The following IGSF11 variants were observed in gnomAD, a reference collection of about 807,000 sequenced individuals.
IGSF11 encodes the protein immunoglobulin superfamily member 11.
IGSF11 carries 22 observed loss-of-function variants against 41.0 expected under a neutral mutation model. The observed-to-expected ratio is 0.54, with a 90% CI of 0.38 to 0.77. The LOEUF (loss-of-function observed/expected upper bound fraction) is 0.77, where lower values mean the gene tolerates loss of function less well. Among genes scored for constraint, IGSF11 ranks in the 30% least tolerant of loss-of-function variants. The pLI, the probability that IGSF11 is intolerant of heterozygous loss-of-function variation, is 0.00. For synonymous variants in IGSF11, 219 were observed against 201.3 expected (o/e 1.09, Z -0.74); for missense variants, 444 against 530.8 (o/e 0.84, Z 1.61).
chr3:119,005,365 G>A (rs1178012188), intron 1 of IGSF11, among the ~76,000 whole-genome samples: 21 of 149,720 alleles, frequency 1.4e-4, no homozygotes, highest in East Asian at 7.9e-4. Context: ...GTCTCTGCAC[G>A]TGAGATGGGT....
chr3:118,956,428 A>C (rs1000554709), intron 1 of IGSF11, among the ~76,000 whole-genome samples: 7 of 152,186 alleles, frequency 4.6e-5, no homozygotes, highest in African/African-American at 1.7e-4. Context: ...AATCATGTCT[A>C]GCTTTTGATT....
In IGSF11 at chr3:118,926,407, G is replaced by T. The variant is rs374102980; in HGVS notation, c.425-151C>A. On this transcript the variant is annotated intron_variant, in intron 3 of 6. Coordinates refer to ENST00000393775, the MANE Select transcript of IGSF11 (RefSeq NM_001015887.3). The stretch of plus-strand genomic sequence containing the variant: ...ACAGACTCACCGCCTGAACCCAGGG[G>T]AGGCATGTACCAATTCACGAGGCTT... 4 of 603,852 alleles carry T rather than the reference G, an allele frequency of 6.6e-6. No individual in the cohort carries two copies. In the East Asian group the frequency reaches 9.4e-5, roughly 14 times the overall value. The allele number at this position is 603,852 out of a possible 1,614,324, so 37.4% of individuals were successfully genotyped here. A position where few individuals can be genotyped will look rare whatever the true frequency, so the allele number is the denominator to read the frequency against.
At chr3:119,120,812 A>G (rs1486132784) in intron 1 of IGSF11, among the ~76,000 whole-genome samples, 1 of 152,220 alleles carries the variant, frequency 6.6e-6, no homozygotes, top group Non-Finnish European at 1.5e-5. Flanking sequence ...GGTACAGCTG[A>G]TGGAATTTAC....
At chr3:119,105,003 G>A (rs2076998466) in intron 1 of IGSF11, 1 of 551,480 alleles carries the variant, frequency 1.8e-6, no homozygotes, top group South Asian at 3.1e-5. Flanking sequence ...TTTTTCCCAG[G>A]ACTTAGAAAT....
At chr3:119,041,315 C>T (rs1941110991) in intron 1 of IGSF11, among the ~76,000 whole-genome samples, 1 of 152,170 alleles carries the variant, frequency 6.6e-6, no homozygotes, top group Non-Finnish European at 1.5e-5. Context: ...GATGTGGTGG[C>T]TCACGCCTAT....
intron 1 of IGSF11, among the ~76,000 whole-genome samples, chr3:119,058,343 C>T (rs1039240149): frequency 3.3e-5 from 5 of 152,206 alleles, no homozygotes; most frequent in African/African-American, 9.7e-5. Flanking sequence ...CAAAAGAAGA[C>T]ATTTATGCAG....
At chr3:119,098,144 A>G (rs1167432877) in intron 1 of IGSF11, among the ~76,000 whole-genome samples, 2 of 151,870 alleles carry the variant, frequency 1.3e-5, no homozygotes, top group African/African-American at 4.8e-5. Flanking sequence ...GGGAAACAGT[A>G]TAGTACAGTG....
At chr3:119,108,877 A>G (rs1488483362), upstream of IGSF11, among the ~76,000 whole-genome samples, 7 of 141,228 alleles carry the variant, frequency 5.0e-5, no homozygotes, top group African/African-American at 1.7e-4. Context: ...TTCTGTTTAT[A>G]TGCTGGATTA....
intron 1 of IGSF11, among the ~76,000 whole-genome samples, chr3:119,089,020 G>A (rs993046451): frequency 6.6e-5 from 10 of 151,974 alleles, no homozygotes; most frequent in Non-Finnish European, 1.2e-4. Context: ...TAACTGATAC[G>A]AATTCTGCTG....
At chr3:119,119,173 A>T (rs2077298945) in intron 1 of IGSF11, among the ~76,000 whole-genome samples, 1 of 152,014 alleles carries the variant, frequency 6.6e-6, no homozygotes, top group Non-Finnish European at 1.5e-5. Flanking sequence ...CCTGGTACCA[A>T]TTTACTGTAT....
At chr3:119,054,293 G>A (rs1048687614) in intron 1 of IGSF11, among the ~76,000 whole-genome samples, 8 of 151,796 alleles carry the variant, frequency 5.3e-5, no homozygotes, top group Non-Finnish European at 1.2e-4. Context: ...ATCCAACAAA[G>A]AACTAATATC....
At chr3:118,955,085 A>G (rs1381790126) in intron 1 of IGSF11, among the ~76,000 whole-genome samples, 1 of 152,196 alleles carries the variant, frequency 6.6e-6, no homozygotes, top group African/African-American at 2.4e-5. Context: ...AAATGTCATT[A>G]TATGAAAAAG....
At chr3:118,946,446 T>TAA (rs151177743) in intron 1 of IGSF11, among the ~76,000 whole-genome samples, 11,108 of 143,288 alleles carry the variant, frequency 0.078, 579 homozygotes, top group Admixed American at 0.16. Flanking sequence ...CTATTTTACT[T>TAA]AAAAAAAAAA....
intron 1 of IGSF11, among the ~76,000 whole-genome samples, chr3:119,140,589 A>AAAGT (rs2077630561): frequency 6.6e-6 from 1 of 150,740 alleles, no homozygotes; most frequent in Non-Finnish European, 1.5e-5. Flanking sequence ...AAGAAAGAGA[A>AAAGT]GACTTAACTA....
At chr3:118,934,178 T>C (rs9873807) in intron 1 of IGSF11, among the ~76,000 whole-genome samples, 11,906 of 152,234 alleles carry the variant, frequency 0.078, 665 homozygotes, top group Admixed American at 0.16. Context: ...TCCTGCTCCA[T>C]AGTCTTCAAT....
chr3:119,025,659 C>T (rs1939748505), intron 1 of IGSF11, among the ~76,000 whole-genome samples: 1 of 151,544 alleles, frequency 6.6e-6, no homozygotes, highest in Non-Finnish European at 1.5e-5. Context: ...TATACAAAGC[C>T]CATGAACTCT....
chr3:119,018,840 GGCA>G (rs1181619851), intron 1 of IGSF11, among the ~76,000 whole-genome samples: 1 of 152,186 alleles, frequency 6.6e-6, no homozygotes, highest in Non-Finnish European at 1.5e-5. Context: ...CAGAAGTGCT[GGCA>G]GCAGCAGAAC....
chr3:118,991,631 A>G (rs756208665), intron 1 of IGSF11, among the ~76,000 whole-genome samples: 55 of 152,352 alleles, frequency 3.6e-4, no homozygotes, highest in Non-Finnish European at 6.5e-4. Context: ...TTTCTTTCAT[A>G]AAAACATTAT....
intron 1 of IGSF11, among the ~76,000 whole-genome samples, chr3:119,079,604 T>C (rs1262963415): frequency 6.6e-6 from 1 of 152,204 alleles, no homozygotes; most frequent in African/African-American, 2.4e-5. Context: ...TGCAGCACTA[T>C]TCACAATAGT....
Sources: allele counts gnomAD v4.1 joint callset (sites outside exome capture counted in the v4.1 genomes callset), GRCh38; gene constraint gnomAD v4.1.1; transcripts MANE v1.5; gene names NCBI Gene and HGNC (gene_info 2026-07-23, HGNC 2026-07-21).